Variants in SERGEF observed in about 807,000 individuals in gnomAD.
SERGEF encodes the protein secretion-regulating guanine nucleotide exchange factor.
A neutral mutation model predicts 50.0 loss-of-function variants in SERGEF; 51 were observed. That is an observed-to-expected ratio of 1.02 (90% CI 0.81 to 1.29). The LOEUF (loss-of-function observed/expected upper bound fraction) is 1.29, where lower values mean the gene tolerates loss of function less well. Among genes scored for constraint, SERGEF ranks in the 50% most tolerant of loss-of-function variants. SERGEF has a pLI of 0.00. For synonymous variants in SERGEF, 205 were observed against 212.4 expected (o/e 0.97, Z 0.30); for missense variants, 521 against 557.0 (o/e 0.94, Z 0.65).
intron 10 of SERGEF, among the ~76,000 whole-genome samples, chr11:17,791,271 A>G (rs1849480095): frequency 6.6e-6 from 1 of 152,140 alleles, no homozygotes; most frequent in South Asian, 2.1e-4. Flanking sequence ...TATTTTCTCA[A>G]ATTAGATTCT....
At chr11:17,808,655 T>A (rs1409908410) in intron 10 of SERGEF, among the ~76,000 whole-genome samples, 1 of 152,340 alleles carries the variant, frequency 6.6e-6, no homozygotes, top group East Asian at 1.9e-4. Flanking sequence ...ACGCTTGCTG[T>A]CAGACCCCTG....
chr11:17,929,368 C>T (rs1852310709), intron 9 of SERGEF, among the ~76,000 whole-genome samples: 1 of 152,148 alleles, frequency 6.6e-6, no homozygotes, highest in South Asian at 2.1e-4. Flanking sequence ...TCAGTTTTTG[C>T]TCTCTTTGAG....
intron 10 of SERGEF, among the ~76,000 whole-genome samples, chr11:17,793,577 C>G (rs937190283): frequency 6.6e-6 from 1 of 152,214 alleles, no homozygotes; most frequent in Non-Finnish European, 1.5e-5. Flanking sequence ...AAAGCCTCTC[C>G]CTAAGCGACA....
chr11:17,839,380 T>A (rs542352824), intron 10 of SERGEF, among the ~76,000 whole-genome samples: 2 of 152,248 alleles, frequency 1.3e-5, no homozygotes, highest in African/African-American at 4.8e-5. Flanking sequence ...TAATTCCTCA[T>A]AAAATCGGCT....
chr11:17,880,671 T>A (rs1851319801), intron 9 of SERGEF, among the ~76,000 whole-genome samples: 1 of 151,882 alleles, frequency 6.6e-6, no homozygotes, highest in Admixed American at 6.6e-5. Flanking sequence ...TATTAAAAAC[T>A]AGAAAAAATA....
intron 10 of SERGEF, among the ~76,000 whole-genome samples, chr11:17,825,834 G>A (rs2107427): frequency 0.33 from 50,772 of 152,028 alleles, 8,692 homozygotes; most frequent in South Asian, 0.46. Context: ...AGGGTATACA[G>A]AAAGATGAAA....
chr11:17,866,034 G>C (rs1015391167), intron 10 of SERGEF, among the ~76,000 whole-genome samples: 3 of 152,188 alleles, frequency 2.0e-5, no homozygotes, highest in Non-Finnish European at 4.4e-5. Context: ...CCTGAGAAAG[G>C]CAAGACCTGG....
At chr11:18,001,979 A>G (rs1408312936) in intron 4 of SERGEF, 1 of 456,308 alleles carries the variant, frequency 2.2e-6, no homozygotes, top group Non-Finnish European at 4.4e-6. Context: ...CAAATCCACA[A>G]CAAAACACAA....
chr11:17,805,963 A>C (rs1849752527), intron 10 of SERGEF, among the ~76,000 whole-genome samples: 1 of 152,222 alleles, frequency 6.6e-6, no homozygotes, highest in Admixed American at 6.5e-5. Flanking sequence ...AATCCATCCC[A>C]TTTGTCCTTC....
intron 7 of SERGEF, 120 bp downstream of exon 7, chr11:17,992,811 G>A: frequency 1.2e-6 from 1 of 832,950 alleles, no homozygotes; most frequent in Non-Finnish European, 2.0e-6. Context: ...ACCAGTGGTA[G>A]CATCAGAATT....
rs1853773503 is a variant in SERGEF, at chr11:17,993,902, A to C, written c.623-909T>G. ...TTTGAGGACTGGAAGCTGATGATCC[A>C]TTCTAATGTCTCATCAGGGAACTCC... is the stretch of plus-strand genomic sequence containing the variant. On this transcript the variant is annotated intron_variant, in intron 6 of 10. Coordinates refer to ENST00000265965, the MANE Select transcript of SERGEF (RefSeq NM_012139.4). Among the ~76,000 whole-genome samples, 3 of 152,208 alleles carry C rather than the reference A, an allele frequency of 2.0e-5. No individual in the cohort carries two copies. In the South Asian group the frequency reaches 6.2e-4, roughly 31 times the overall value.
chr11:17,857,431 TAGA>T (rs2133878831), intron 10 of SERGEF, among the ~76,000 whole-genome samples: 1 of 152,330 alleles, frequency 6.6e-6, no homozygotes, highest in Non-Finnish European at 1.5e-5. Flanking sequence ...CCTCCCAGAC[TAGA>T]AGCATATACG....
At chr11:17,925,392 G>A (rs17793542) in intron 9 of SERGEF, among the ~76,000 whole-genome samples, 48,459 of 147,254 alleles carry the variant, frequency 0.33, 9,235 homozygotes, top group East Asian at 0.47. Flanking sequence ...AGGGTGAAAG[G>A]GACTGCATTC....
chr11:17,969,007 T>C (rs1307393249), intron 8 of SERGEF, among the ~76,000 whole-genome samples: 1 of 152,180 alleles, frequency 6.6e-6, no homozygotes, highest in Non-Finnish European at 1.5e-5. Context: ...TGAAACTTGC[T>C]CAAGCAACCT....
chr11:17,855,928 T>C (rs1358687828), intron 10 of SERGEF: 1 of 152,226 alleles, frequency 6.6e-6, no homozygotes, highest in Non-Finnish European at 1.5e-5. Flanking sequence ...TCTGAGATCC[T>C]TTCCAGCACC....
chr11:18,008,099 T>A (rs372736828), intron 1 of SERGEF, 23 bp from the exon 2 acceptor site: 4 of 1,603,790 alleles, frequency 2.5e-6, no homozygotes, highest in Non-Finnish European at 3.4e-6. Context: ...AAGCCAAGGA[T>A]GAAAAAGTGT....
chr11:17,836,022 A>T (rs564287943), intron 10 of SERGEF, among the ~76,000 whole-genome samples: 1 of 152,368 alleles, frequency 6.6e-6, no homozygotes, highest in South Asian at 2.1e-4. Flanking sequence ...AGCTGGAATT[A>T]GAACCCAGGT....
At chr11:17,905,637 T>C (rs1669918951) in intron 9 of SERGEF, among the ~76,000 whole-genome samples, 1 of 152,164 alleles carries the variant, frequency 6.6e-6, no homozygotes, top group South Asian at 2.1e-4. Flanking sequence ...AGAGCTCACA[T>C]GACAGGAGTC....
intron 6 of SERGEF, among the ~76,000 whole-genome samples, chr11:17,994,093 T>C (rs1161903518): frequency 1.3e-5 from 2 of 152,182 alleles, no homozygotes; most frequent in African/African-American, 4.8e-5. Context: ...GTTCATAATC[T>C]TCAGCATATG....
Sources: gnomAD v4.1 joint callset for allele counts (sites outside exome capture counted in the v4.1 genomes callset) on GRCh38, gnomAD v4.1.1 for gene constraint, MANE v1.5 for transcripts, NCBI Gene and HGNC (gene_info 2026-07-23, HGNC 2026-07-21) for gene names.